The following NFAT5 variants were observed in gnomAD, a reference collection of about 807,000 sequenced individuals.
NFAT5 encodes the protein nuclear factor of activated T-cells 5.
NFAT5 carries 31 observed loss-of-function variants against 166.5 expected under a neutral mutation model. The ratio of observed to expected loss-of-function variants is 0.19; its 90% CI spans 0.14 to 0.25. The LOEUF (loss-of-function observed/expected upper bound fraction) is 0.25, where lower values mean the gene tolerates loss of function less well. Among genes scored for constraint, NFAT5 ranks in the 10% least tolerant of loss-of-function variants. The pLI, the probability that NFAT5 is intolerant of heterozygous loss-of-function variation, is 1.00. For missense variants in NFAT5, 1,449 were observed against 1,821.8 expected (o/e 0.80, Z 3.72); for synonymous variants, 612 against 639.7 (o/e 0.96, Z 0.65).
chr16:69,648,981 G>C, intron 4 of NFAT5: 1 of 974,400 alleles, frequency 1.0e-6, no homozygotes, highest in Non-Finnish European at 1.2e-6. Context: ...GGGTGATGTA[G>C]TTAAATGAAA....
At chr16:69,622,593 C>G (rs2034248227) in intron 2 of NFAT5, among the ~76,000 whole-genome samples, 1 of 152,070 alleles carries the variant, frequency 6.6e-6, no homozygotes, top group Non-Finnish European at 1.5e-5. Flanking sequence ...GATACCTCAA[C>G]TTTATACCCT....
At chr16:69,629,155 C>T (rs897772056) in intron 3 of NFAT5, among the ~76,000 whole-genome samples, 3 of 152,128 alleles carry the variant, frequency 2.0e-5, no homozygotes, top group Non-Finnish European at 2.9e-5. Context: ...TTGAAGGAGC[C>T]GGATTGGCTG....
At chr16:69,616,244 G>A (rs948650754) in intron 2 of NFAT5, among the ~76,000 whole-genome samples, 1 of 151,392 alleles carries the variant, frequency 6.6e-6, no homozygotes, top group Admixed American at 6.6e-5. Flanking sequence ...TGCTTGGATT[G>A]TAACTCCCCG....
At chr16:69,627,208 A>G (rs2034497891) in intron 3 of NFAT5, among the ~76,000 whole-genome samples, 1 of 151,044 alleles carries the variant, frequency 6.6e-6, no homozygotes, top group Non-Finnish European at 1.5e-5. Flanking sequence ...AGACAAGCTA[A>G]TAGAAAAAAG....
intron 2 of NFAT5, among the ~76,000 whole-genome samples, chr16:69,587,165 C>T (rs899131087): frequency 6.6e-6 from 1 of 152,018 alleles, no homozygotes; most frequent in African/African-American, 2.4e-5. Context: ...TCACTGCAAC[C>T]TCTGCCTCCA....
chr16:69,628,826 A>C, intron 3 of NFAT5, among the ~76,000 whole-genome samples: 1 of 152,216 alleles, frequency 6.6e-6, no homozygotes, highest in East Asian at 1.9e-4. Flanking sequence ...TCACACCAGC[A>C]CTTTGAGAGG....
Position 69,566,258 on chromosome 16 carries a change from T to C in NFAT5, c.-44T>C. 6.4e-7 allele frequency: 1 copy of C among 1,565,772 alleles called. No individual in the cohort carries two copies. Among genetic ancestry groups the C allele is most frequent in the Non-Finnish European group, 8.7e-7 (1 of 1,154,480 alleles). On this transcript the variant is annotated 5_prime_UTR_variant, in exon 1 of 15. Coordinates refer to ENST00000349945, the MANE Select transcript of NFAT5 (RefSeq NM_138713.4). The surrounding 1 kb of genome is among the most constrained non-coding windows in gnomAD (Gnocchi z 5.7). ...GAGGAGGTGCCGCCGCCACCGCCGCTCCCCCCCTCCCGCTGCCCTCGGGCC... is the reference window on the plus strand; with the variant it reads ...GAGGAGGTGCCGCCGCCACCGCCGCCCCCCCCCTCCCGCTGCCCTCGGGCC...
At chr16:69,681,639 C>T (rs1167746696) in intron 10 of NFAT5, among the ~76,000 whole-genome samples, 4 of 151,908 alleles carry the variant, frequency 2.6e-5, no homozygotes, top group Non-Finnish European at 5.9e-5. Flanking sequence ...AGGGATTGGC[C>T]GGGCACGGTG....
chr16:69,659,913 T>TA lies in NFAT5; in HGVS notation c.1369+15dup. On this transcript the variant is annotated intron_variant, in intron 7 of 14. Transcript: ENST00000349945. ...CAATTTTGTGTAGTAAGTAAGAAGA[T>TA]ACGGAGATACTAAACATATGGAGTT... The TA allele has an allele frequency of 1.3e-6, 2 of 1,573,758 alleles. No homozygotes were observed. The highest frequency in any genetic ancestry group is 1.7e-6 in the Non-Finnish European group (2 of 1,156,252).
chr16:69,682,568 G>A (rs576747804), intron 10 of NFAT5, among the ~76,000 whole-genome samples: 11 of 152,122 alleles, frequency 7.2e-5, no homozygotes, highest in African/African-American at 1.7e-4. Context: ...CCAGTAAGCC[G>A]TGATCATGCC....
intron 2 of NFAT5, among the ~76,000 whole-genome samples, chr16:69,577,394 A>G (rs1338815266): frequency 6.6e-6 from 1 of 152,228 alleles, no homozygotes; most frequent in Non-Finnish European, 1.5e-5. Context: ...ATACTTGCAC[A>G]TATACATGAA....
intron 3 of NFAT5, among the ~76,000 whole-genome samples, chr16:69,634,016 G>A (rs1010546965): frequency 1.3e-5 from 2 of 149,384 alleles, no homozygotes; most frequent in African/African-American, 4.9e-5. Flanking sequence ...AGTGGCTCAT[G>A]TTTGTAATCC....
chr16:69,678,861 A>G (rs992124708), intron 10 of NFAT5, among the ~76,000 whole-genome samples: 22 of 152,274 alleles, frequency 1.4e-4, no homozygotes, highest in Admixed American at 1.3e-3. Flanking sequence ...TGAAGAAAAC[A>G]GTAGCTAGGA....
rs1310294685 is a variant in NFAT5 at position 69,701,823 on chromosome 16, G to T, written c.*5472G>T. ...TTTTTTAACTAGACAGGGCAAAGTT[G>T]TTTATGTTAGTGTACTTCTTGTCTA... On this transcript the variant is annotated 3_prime_UTR_variant, in exon 15 of 15. Coordinates refer to ENST00000349945, the MANE Select transcript of NFAT5 (RefSeq NM_138713.4). The T allele has an allele frequency of 6.6e-6, 1 of 152,182 alleles. No individual in the cohort carries two copies. Among genetic ancestry groups the T allele is most frequent in the Non-Finnish European group, 1.5e-5 (1 of 68,042 alleles). The allele number at this position is 152,182 out of a possible 1,614,324, so 9.4% of individuals were successfully genotyped here.
At chr16:69,682,040 G>T (rs1310776096) in intron 10 of NFAT5, among the ~76,000 whole-genome samples, 2 of 151,990 alleles carry the variant, frequency 1.3e-5, no homozygotes, top group Non-Finnish European at 2.9e-5. Flanking sequence ...CATTCTTCCA[G>T]GTACAGACCT....
intron 2 of NFAT5, among the ~76,000 whole-genome samples, chr16:69,609,362 C>A (rs747826067): frequency 2.6e-5 from 4 of 152,076 alleles, no homozygotes; most frequent in Non-Finnish European, 4.4e-5. Context: ...CCCTGTAAAC[C>A]CCTATTCAGT....
chr16:69,599,315 AC>A (rs2032996579), intron 2 of NFAT5, among the ~76,000 whole-genome samples: 2 of 151,900 alleles, frequency 1.3e-5, no homozygotes, highest in African/African-American at 4.8e-5. Flanking sequence ...AGTGGCTCAC[AC>A]CTGCAATCCC....
chr16:69,646,349 A>T (rs1435985697), intron 3 of NFAT5, among the ~76,000 whole-genome samples: 1 of 152,184 alleles, frequency 6.6e-6, no homozygotes, highest in African/African-American at 2.4e-5. Flanking sequence ...TACCTTTTTC[A>T]TCTTGATTCT....
intron 10 of NFAT5, among the ~76,000 whole-genome samples, chr16:69,681,901 G>C (rs200242331): frequency 7.0e-6 from 1 of 143,216 alleles, no homozygotes; most frequent in East Asian, 2.0e-4. Context: ...CTGGGCAACA[G>C]AGCAAGACTC....
Sources: allele counts gnomAD v4.1 joint callset (sites outside exome capture counted in the v4.1 genomes callset), GRCh38; gene constraint gnomAD v4.1.1; non-coding constraint Gnocchi (gnomAD v3.1); transcripts MANE v1.5; gene names NCBI Gene and HGNC (gene_info 2026-07-23, HGNC 2026-07-21).